CNTN5: variants seen among roughly 807,000 people sequenced by gnomAD.
CNTN5 encodes the protein contactin 5, also known as contactin-5.
A neutral mutation model predicts 129.1 loss-of-function variants in CNTN5; 77 were observed. That is an observed-to-expected ratio of 0.60 (90% CI 0.50 to 0.72). The LOEUF is 0.72. CNTN5 is among the 30% of genes least tolerant of loss of function. CNTN5 has a pLI of 0.00. For synonymous variants in CNTN5, 509 were observed against 465.6 expected, an observed-to-expected ratio of 1.09 and a Z score of -1.20; for missense variants, 1,478 against 1,328.8, an observed-to-expected ratio of 1.11 and a Z score of -1.75.
At chr11:100,179,484 G>A (rs1342186828) in intron 13 of CNTN5, among the ~76,000 whole-genome samples, 1 of 152,012 alleles carries the variant, frequency 6.6e-6, no homozygotes, top group African/African-American at 2.4e-5. Flanking sequence ...CCATTAGGTT[G>A]AACCAAGTAA....
intron 8 of CNTN5, among the ~76,000 whole-genome samples, chr11:99,991,002 T>G (rs191959980): frequency 6.6e-6 from 1 of 152,254 alleles, no homozygotes; most frequent in East Asian, 1.9e-4. Context: ...CACAGGTAGA[T>G]ATTTAATATG....
intron 2 of CNTN5, among the ~76,000 whole-genome samples, chr11:99,430,175 G>T (rs964440742): frequency 6.6e-6 from 1 of 151,904 alleles, no homozygotes; most frequent in Non-Finnish European, 1.5e-5. Flanking sequence ...TGATACCAAA[G>T]ATGGTAAAGG....
At chr11:99,515,087 G>A (rs563691544) in intron 2 of CNTN5, among the ~76,000 whole-genome samples, 1 of 152,078 alleles carries the variant, frequency 6.6e-6, no homozygotes, top group African/African-American at 2.4e-5. Context: ...ACAGGTCACT[G>A]AACAAAAAGG....
At chr11:99,118,529 C>A (rs1359491246) in intron 1 of CNTN5, among the ~76,000 whole-genome samples, 1 of 151,772 alleles carries the variant, frequency 6.6e-6, no homozygotes, top group Non-Finnish European at 1.5e-5. Context: ...TCTAAGGATT[C>A]CCTTGAATTT....
Position 100,299,142 on chromosome 11 carries a change from A to C in CNTN5, c.2386-20A>C. ...TAATCAATCATTTTGCTGATAATTA[A>C]TTATATTTTTCTTCTTTAGCCAGTA... is the stretch of plus-strand genomic sequence containing the variant. On this transcript the variant is annotated intron_variant, in intron 19 of 24. Coordinates refer to ENST00000524871, the MANE Select transcript of CNTN5 (RefSeq NM_014361.4). 6.9e-7 allele frequency: 1 copy of C among 1,445,218 alleles called. No homozygotes were observed. The highest frequency in any genetic ancestry group is 9.4e-7 in the Non-Finnish European group (1 of 1,059,238). The allele number at this position is 1,445,218 out of a possible 1,614,324, so 89.5% of individuals were successfully genotyped here. A position where few individuals can be genotyped will look rare whatever the true frequency, so the allele number is the denominator to read the frequency against.
At chr11:99,102,126 T>A (rs1431992041) in intron 1 of CNTN5, among the ~76,000 whole-genome samples, 1 of 152,154 alleles carries the variant, frequency 6.6e-6, no homozygotes, top group East Asian at 1.9e-4. Flanking sequence ...CTGAGCTGTA[T>A]CTTGGCCCCT....
intron 6 of CNTN5, among the ~76,000 whole-genome samples, chr11:99,909,941 C>A (rs1485199706): frequency 2.6e-5 from 4 of 151,210 alleles, no homozygotes; most frequent in South Asian, 4.2e-4. Context: ...TGCACATGTA[C>A]CCTAAAACTT....
At chr11:99,977,049 G>T (rs1004758589) in intron 8 of CNTN5, among the ~76,000 whole-genome samples, 1 of 152,294 alleles carries the variant, frequency 6.6e-6, no homozygotes, top group South Asian at 2.1e-4. Context: ...AAGCTTTGCT[G>T]CATAGAAATT....
chr11:99,470,803 A>G (rs1945141145), intron 2 of CNTN5, among the ~76,000 whole-genome samples: 1 of 99,092 alleles, frequency 1.0e-5, no homozygotes, highest in Non-Finnish European at 2.2e-5. Context: ...TAGAAGGAAA[A>G]TCACAAATTT....
intron 6 of CNTN5, among the ~76,000 whole-genome samples, chr11:99,849,983 C>A (rs983601974): frequency 3.7e-4 from 56 of 151,996 alleles, no homozygotes; most frequent in Admixed American, 8.5e-4. Flanking sequence ...CCTCAGTCAT[C>A]ATTTTAGAAT....
intron 8 of CNTN5, among the ~76,000 whole-genome samples, chr11:100,000,464 C>G (rs931870086): frequency 4.6e-5 from 7 of 152,212 alleles, no homozygotes; most frequent in Non-Finnish European, 8.8e-5. Flanking sequence ...CTCCCAAGGA[C>G]TTGGGCAGCT....
At position 100,062,972 on chromosome 11, in the gene CNTN5, C is replaced by T. The variant is rs553920555; in HGVS notation, c.1162+1579C>T. ...TTTGAAGTATTACCATCCCTCTGTA[C>T]AGATAAAAATCTGATACTGAAAGAC... On this transcript the variant is annotated intron_variant, in intron 10 of 24. Transcript: ENST00000524871. Among the ~76,000 whole-genome samples, 7 of 152,248 alleles carry T rather than the reference C, an allele frequency of 4.6e-5. No homozygotes were observed. In the East Asian group the frequency reaches 5.8e-4, roughly 13 times the overall value.
chr11:100,115,275 A>T (rs1945807111), intron 13 of CNTN5, among the ~76,000 whole-genome samples: 1 of 152,068 alleles, frequency 6.6e-6, no homozygotes, highest in South Asian at 2.1e-4. Context: ...GGTGACTACA[A>T]GTTGTCTTCT....
chr11:99,820,808 G>A (rs951222682), intron 4 of CNTN5, among the ~76,000 whole-genome samples: 2 of 152,172 alleles, frequency 1.3e-5, no homozygotes, highest in African/African-American at 4.8e-5. Context: ...GTACACTTAG[G>A]CTGCATTTCA....
chr11:100,009,171 C>T (rs148816379), intron 9 of CNTN5, among the ~76,000 whole-genome samples: 1 of 152,064 alleles, frequency 6.6e-6, no homozygotes, highest in African/African-American at 2.4e-5. Context: ...AAGCTTTCTC[C>T]TAAAGAAACC....
At chr11:99,840,622 G>A (rs1223475346) in intron 4 of CNTN5, among the ~76,000 whole-genome samples, 1 of 151,978 alleles carries the variant, frequency 6.6e-6, no homozygotes, top group Non-Finnish European at 1.5e-5. Flanking sequence ...TTGTTAATAA[G>A]AGATCTGATA....
rs146364893 is a variant in CNTN5 at position 99,860,950 on chromosome 11, AT to A, written c.577+15711del. 7.4e-3 allele frequency among the ~76,000 whole-genome samples: 670 copies of A among 91,004 alleles called. 1 individual carries two copies. The highest frequency in any genetic ancestry group is 0.024 in the African/African-American group (546 of 22,488). The allele number at this position is 91,004 out of a possible 152,430, so 59.7% of individuals were successfully genotyped here. A position where few individuals can be genotyped will look rare whatever the true frequency, so the allele number is the denominator to read the frequency against. On this transcript the variant is annotated intron_variant, in intron 6 of 24. Transcript: ENST00000524871. ...TTCCATTAACATGGAATATGTCTTC[AT>A]TTTTTTTTTTTTTTTTTTTTTTGAG...
intron 2 of CNTN5, among the ~76,000 whole-genome samples, chr11:99,467,759 A>G (rs1757265778): frequency 6.6e-6 from 1 of 152,108 alleles, no homozygotes; most frequent in African/African-American, 2.4e-5. Context: ...ACCAGTTTAT[A>G]TTTAAATGTT....
intron 6 of CNTN5, among the ~76,000 whole-genome samples, chr11:99,907,874 A>G (rs1242660748): frequency 6.6e-6 from 1 of 152,086 alleles, no homozygotes; most frequent in South Asian, 2.1e-4. Flanking sequence ...AATTATCAAA[A>G]TATAACATAT....
Sources: allele counts gnomAD v4.1 joint callset (sites outside exome capture counted in the v4.1 genomes callset), GRCh38; gene constraint gnomAD v4.1.1; transcripts MANE v1.5; gene names NCBI Gene and HGNC (gene_info 2026-07-23, HGNC 2026-07-21).